ATXN1: variants seen among roughly 807,000 people sequenced by gnomAD.
ATXN1 encodes ataxin-1.
Under a neutral mutation model 56.4 loss-of-function variants are expected in ATXN1, and 8 were observed. The ratio of observed to expected loss-of-function variants is 0.14; its 90% CI spans 0.08 to 0.26. ATXN1 has a LOEUF of 0.26. Ranked by LOEUF, ATXN1 falls within the 10% of genes least tolerant of loss-of-function variation. The probability of loss-of-function intolerance (pLI) is 1.00; values close to 1 mark genes in which losing one functional copy is unlikely to be tolerated. For missense variants in ATXN1, 987 were observed against 1,106.5 expected, an observed-to-expected ratio of 0.89 and a Z score of 1.53; for synonymous variants, 514 against 494.6, an observed-to-expected ratio of 1.04 and a Z score of -0.52.
At chr6:16,511,600 G>T (rs1041050751) in intron 5 of ATXN1, among the ~76,000 whole-genome samples, 1 of 151,974 alleles carries the variant, frequency 6.6e-6, no homozygotes, top group East Asian at 1.9e-4. Flanking sequence ...CAACAAGTCC[G>T]AAACCTCCAA....
At chr6:16,417,498 G>T (rs1023889705) in intron 6 of ATXN1, among the ~76,000 whole-genome samples, 1 of 148,240 alleles carries the variant, frequency 6.7e-6, no homozygotes, top group Non-Finnish European at 1.5e-5. Flanking sequence ...GAGAGCAGTG[G>T]CACGATCTCG....
chr6:16,390,237 G>A (rs982443723), intron 6 of ATXN1, among the ~76,000 whole-genome samples: 4 of 152,070 alleles, frequency 2.6e-5, no homozygotes, highest in African/African-American at 9.7e-5. Context: ...AAGAACTTCT[G>A]GCAATGGTAA....
chr6:16,534,967 A>G (rs1357575911), intron 4 of ATXN1, among the ~76,000 whole-genome samples: 1 of 152,240 alleles, frequency 6.6e-6, no homozygotes, highest in Non-Finnish European at 1.5e-5. Context: ...CTGTGAGGGC[A>G]GGGCATCTGC....
intron 4 of ATXN1, among the ~76,000 whole-genome samples, chr6:16,571,585 G>A (rs1326835594): frequency 6.6e-6 from 1 of 151,820 alleles, no homozygotes; most frequent in Non-Finnish European, 1.5e-5. Flanking sequence ...TTGAACTCCT[G>A]GGCTCAAGCA....
At chr6:16,685,803 T>C (rs1202739253) in intron 2 of ATXN1, among the ~76,000 whole-genome samples, 1 of 152,202 alleles carries the variant, frequency 6.6e-6, no homozygotes, top group Non-Finnish European at 1.5e-5. Context: ...AACAAAAATA[T>C]AATTTCACAA....
At chr6:16,606,701 T>C (rs1038210406) in intron 3 of ATXN1, among the ~76,000 whole-genome samples, 3 of 150,866 alleles carry the variant, frequency 2.0e-5, no homozygotes, top group African/African-American at 7.3e-5. Flanking sequence ...GCTAATTTTT[T>C]GTATTTTTAG....
At chr6:16,613,595 G>A (rs1294373247) in intron 3 of ATXN1, among the ~76,000 whole-genome samples, 1 of 152,050 alleles carries the variant, frequency 6.6e-6, no homozygotes. Flanking sequence ...GGGAGGCTGA[G>A]GCAGGATTGC....
At chr6:16,485,422 C>T (rs1199761979) in intron 6 of ATXN1, 1 of 152,198 alleles carries the variant, frequency 6.6e-6, no homozygotes, top group Admixed American at 6.5e-5. Flanking sequence ...CTGATCAAAA[C>T]CAGTAAATCA....
chr6:16,467,497 C>T (rs981576653), intron 6 of ATXN1, among the ~76,000 whole-genome samples: 7 of 152,060 alleles, frequency 4.6e-5, no homozygotes, highest in African/African-American at 7.2e-5. Flanking sequence ...TGTGTTTCTT[C>T]GGGTGGGGGA....
chr6:16,699,903 A>G (rs1484427515), intron 2 of ATXN1, among the ~76,000 whole-genome samples: 1 of 152,214 alleles, frequency 6.6e-6, no homozygotes, highest in Non-Finnish European at 1.5e-5. Flanking sequence ...AGGAAGCAAC[A>G]CAGTACAGAG....
chr6:16,674,160 G>C (rs1381376334), intron 2 of ATXN1, among the ~76,000 whole-genome samples: 1 of 152,030 alleles, frequency 6.6e-6, no homozygotes, highest in Non-Finnish European at 1.5e-5. Flanking sequence ...TTCAACCACA[G>C]GACTTTTTTT....
At chr6:16,601,473 T>C (rs1445429989) in intron 3 of ATXN1, among the ~76,000 whole-genome samples, 1 of 151,602 alleles carries the variant, frequency 6.6e-6, no homozygotes, top group Non-Finnish European at 1.5e-5. Context: ...TTGAGTTTAT[T>C]CTTCCAACAC....
intron 4 of ATXN1, among the ~76,000 whole-genome samples, chr6:16,531,977 C>G (rs1761513706): frequency 6.6e-6 from 1 of 152,112 alleles, no homozygotes; most frequent in Non-Finnish European, 1.5e-5. Flanking sequence ...CTATAAAGGA[C>G]CAGGGAGCAA....
At chr6:16,528,977 G>C (rs1211912854) in intron 4 of ATXN1, among the ~76,000 whole-genome samples, 4 of 152,022 alleles carry the variant, frequency 2.6e-5, no homozygotes, top group East Asian at 3.9e-4. Flanking sequence ...TCAGGAGTTC[G>C]AGACCAGCCT....
rs1042545533 is a variant in ATXN1 at position 16,303,254 on chromosome 6, C to T, written c.*3075G>A. The T allele has an allele frequency of 1.3e-5, 2 of 152,460 alleles. No individual in the cohort carries two copies. Among genetic ancestry groups the T allele is most frequent in the Non-Finnish European group, 2.9e-5 (2 of 68,152 alleles). The allele number at this position is 152,460 out of a possible 1,614,324, so 9.4% of individuals were successfully genotyped here. Reference sequence around the variant, plus strand: ...TGAATCTGCCTCCTTCCTCTCCACACTCCACATTCACTATTCCGTGTGGTG... The same window carrying T: ...TGAATCTGCCTCCTTCCTCTCCACATTCCACATTCACTATTCCGTGTGGTG... On this transcript the variant is annotated 3_prime_UTR_variant, in exon 8 of 8. Transcript: ENST00000436367. This position sits in a 1 kb window ranked among gnomAD's most constrained non-coding sequence, Gnocchi z 4.3.
chr6:16,509,767 C>G (rs1344486444), intron 5 of ATXN1, among the ~76,000 whole-genome samples: 1 of 152,192 alleles, frequency 6.6e-6, no homozygotes, highest in Non-Finnish European at 1.5e-5. Context: ...GCTGGTTCCT[C>G]TTCGCTTCCT....
chr6:16,675,700 G>C (rs1758647391), intron 2 of ATXN1, among the ~76,000 whole-genome samples: 1 of 151,940 alleles, frequency 6.6e-6, no homozygotes, highest in African/African-American at 2.4e-5. Context: ...GACTGACATG[G>C]TGAAGCCCCA....
At chr6:16,427,481 C>G (rs1232069851) in intron 6 of ATXN1, among the ~76,000 whole-genome samples, 1 of 152,224 alleles carries the variant, frequency 6.6e-6, no homozygotes, top group East Asian at 1.9e-4. Context: ...GTTAAATGCA[C>G]TCACATGTGA....
chr6:16,646,387 G>A (rs572283815), intron 3 of ATXN1, among the ~76,000 whole-genome samples: 12 of 152,308 alleles, frequency 7.9e-5, no homozygotes, highest in African/African-American at 2.6e-4. Context: ...GTAAAATGTG[G>A]ATAGCTATGT....
Sources: allele counts gnomAD v4.1 joint callset (sites outside exome capture counted in the v4.1 genomes callset), GRCh38; gene constraint gnomAD v4.1.1; non-coding constraint Gnocchi (gnomAD v3.1); transcripts MANE v1.5; gene names NCBI Gene and HGNC (gene_info 2026-07-23, HGNC 2026-07-21).